Variants in ANXA3 observed in about 807,000 individuals in gnomAD.
ANXA3 encodes the protein annexin A3.
ANXA3 carries 46 observed loss-of-function variants against 48.8 expected under a neutral mutation model. The observed-to-expected ratio is 0.94, with a 90% CI of 0.74 to 1.21. The LOEUF is 1.21. Ranked by LOEUF, ANXA3 falls within the 50% of genes most tolerant of loss-of-function variation. The pLI is 0.00. For missense variants in ANXA3, 383 were observed against 378.6 expected, an observed-to-expected ratio of 1.01 and a Z score of -0.10; for synonymous variants, 128 against 134.7, an observed-to-expected ratio of 0.95 and a Z score of 0.35.
chr4:78,604,098 C>T, intron 11 of ANXA3, 179 bp from the exon 12 acceptor site: 1 of 529,024 alleles, frequency 1.9e-6, no homozygotes, highest in Non-Finnish European at 3.1e-6. Flanking sequence ...GATGCTGTCA[C>T]AGAGTAGGTG....
At chr4:78,573,047 C>T in intron 2 of ANXA3, 133 bp from the exon 3 acceptor site, 1 of 778,762 alleles carries the variant, frequency 1.3e-6, no homozygotes, top group Non-Finnish European at 2.3e-6. Flanking sequence ...TTCAGAGCCA[C>T]TCCTGAAGTG....
intron 4 of ANXA3, among the ~76,000 whole-genome samples, chr4:78,580,996 A>C (rs539374256): frequency 6.6e-6 from 1 of 152,304 alleles, no homozygotes; most frequent in African/African-American, 2.4e-5. Flanking sequence ...ACCATTTCTC[A>C]CAGTGGAATA....
chr4:78,610,363 T>G lies in ANXA3; in HGVS notation c.*248T>G. The G allele has an allele frequency of 3.3e-6, 1 of 299,786 alleles. No homozygotes were observed. The highest frequency in any genetic ancestry group is 6.1e-6 in the Non-Finnish European group (1 of 162,920). 18.6% of individuals were successfully genotyped at this position (299,786 alleles called of 1,614,324 possible). ...ATCTGCAACTACTATCCAACTTATA[T>G]TTCTGCTTTCAAAGTTAAGAATCTT... is the stretch of plus-strand genomic sequence containing the variant. On this transcript the variant is annotated 3_prime_UTR_variant, in exon 13 of 13. Coordinates refer to ENST00000264908, the MANE Select transcript of ANXA3 (RefSeq NM_005139.3).
chr4:78,579,611 A>T (rs759600617), intron 4 of ANXA3, among the ~76,000 whole-genome samples: 1 of 152,216 alleles, frequency 6.6e-6, no homozygotes, highest in Admixed American at 6.5e-5. Flanking sequence ...TAAAATATTT[A>T]TGTAGTTATA....
At position 78,552,724 on chromosome 4, in the gene ANXA3, T is replaced by A. The variant is rs536082418; in HGVS notation, c.-39+865T>A. On this transcript the variant is annotated intron_variant, in intron 1 of 12. Transcript: ENST00000264908. ...GCAAGACCCTGCCCTCCGGGAAAGA[T>A]ACATTTACTATGTTCACCAACATCA... Among the ~76,000 whole-genome samples, 3 of 152,352 alleles carry A rather than the reference T, an allele frequency of 2.0e-5. No homozygotes were observed. The South Asian group carries it at 6.2e-4, about 32-fold the overall frequency.
chr4:78,571,972 G>T (rs1475158665), intron 2 of ANXA3, among the ~76,000 whole-genome samples: 1 of 152,098 alleles, frequency 6.6e-6, no homozygotes, highest in African/African-American at 2.4e-5. Flanking sequence ...TCCTAAGGGG[G>T]TTTTCATTTA....
At chr4:78,573,941 G>A (rs1722894243) in intron 3 of ANXA3, among the ~76,000 whole-genome samples, 1 of 152,100 alleles carries the variant, frequency 6.6e-6, no homozygotes, top group African/African-American at 2.4e-5. Flanking sequence ...CCACACTATG[G>A]GTTTTCAGGG....
intron 10 of ANXA3, among the ~76,000 whole-genome samples, chr4:78,598,126 T>C (rs1001164349): frequency 2.0e-5 from 3 of 151,296 alleles, no homozygotes; most frequent in African/African-American, 7.3e-5. Flanking sequence ...AGCCAAGGAG[T>C]TCAAGGCCAG....
At chr4:78,554,603 T>C (rs919623624) in intron 2 of ANXA3, 115 bp downstream of exon 2, 37 of 861,944 alleles carry the variant, frequency 4.3e-5, no homozygotes, top group Admixed American at 1.1e-4. Context: ...TCTGGCAAAA[T>C]TAACATGCTA....
In ANXA3 at chr4:78,601,566, A is replaced by G; in HGVS notation, c.787A>G (p.Lys263Glu). Reference sequence around the variant, plus strand: ...AGCCGAAAGACTGCATCGAGCCTTGAAGGTTGGTCTGGAAAGTTCATGTGC... The same window carrying G: ...AGCCGAAAGACTGCATCGAGCCTTGGAGGTTGGTCTGGAAAGTTCATGTGC... ...FLAERLHRAL[K>E]GIGTDEFTLN... is the part of the protein sequence containing the mutation. Residue 263 changes from lysine (K) to glutamate (E), a missense_variant and splice_region_variant, in exon 11 of 13, where the codon AAG becomes GAG. Transcript: ENST00000264908. 1 of 1,613,836 alleles carries G rather than the reference A, an allele frequency of 6.2e-7. No individual in the cohort carries two copies. The highest frequency in any genetic ancestry group is 1.1e-5 in the South Asian group (1 of 91,050).
chr4:78,591,509 TG>T (rs756450581), intron 6 of ANXA3, 34 bp from the exon 7 acceptor site: 2 of 1,436,366 alleles, frequency 1.4e-6, no homozygotes, highest in African/African-American at 2.8e-5. Context: ...TTTTTCAGTT[TG>T]TCAAGGCTTA....
chr4:78,591,429 G>A (rs1723292974), intron 6 of ANXA3, 115 bp from the exon 7 acceptor site: 1 of 697,500 alleles, frequency 1.4e-6, no homozygotes, highest in African/African-American at 1.8e-5. Flanking sequence ...AAAAGGGCAA[G>A]ATTTATCTTA....
intron 1 of ANXA3, 22 bp downstream of exon 1, chr4:78,551,881 G>C (rs1177645679): frequency 6.6e-6 from 1 of 152,328 alleles, no homozygotes; most frequent in East Asian, 1.9e-4. Flanking sequence ...CTCCCGGCGC[G>C]TCCCCGCGAG....
At position 78,560,403 on chromosome 4, in the gene ANXA3, G is replaced by C. The variant is rs150292400; in HGVS notation, c.15+5915G>C. Among the ~76,000 whole-genome samples, 452 of 152,268 alleles carry C rather than the reference G, an allele frequency of 3.0e-3. 2 individuals are homozygous for C. The highest frequency in any genetic ancestry group is 0.017 in the Middle Eastern group (5 of 294). ...ATGATTCACAGAACTCACTGAAAGTGCTATCCTTATGAATGCAAGTTTATT... is the reference window on the plus strand; with the variant it reads ...ATGATTCACAGAACTCACTGAAAGTCCTATCCTTATGAATGCAAGTTTATT... On this transcript the variant is annotated intron_variant, in intron 2 of 12. Transcript: ENST00000264908.
At position 78,595,372 on chromosome 4, in the gene ANXA3, C is replaced by G; in HGVS notation, c.484-9C>G. ...AAAGGATGGCCCTTGTTTTCGTCCT[C>G]CTGTTTAGGGCAGAAGAGATGAAAG... is the stretch of plus-strand genomic sequence containing the variant. On this transcript the variant is annotated splice_polypyrimidine_tract_variant and intron_variant, in intron 7 of 12. Coordinates refer to ENST00000264908, the MANE Select transcript of ANXA3 (RefSeq NM_005139.3). 6.2e-7 allele frequency: 1 copy of G among 1,613,854 alleles called. No individual in the cohort carries two copies. The highest frequency in any genetic ancestry group is 1.1e-5 in the South Asian group (1 of 91,064).
In ANXA3 at chr4:78,571,018, C is replaced by CTTTCT. The variant is rs112621376; in HGVS notation, c.16-2159_16-2158insCTTTT. ...ATTTATTTTCTTTCTTTCTTTCTTT[C>CTTTCT]TTTTTTTTTGTGAGACACGGTCTCA... On this transcript the variant is annotated intron_variant, in intron 2 of 12. Transcript: ENST00000264908. The CTTTCT allele has an allele frequency of 6.6e-5, 10 of 151,072 alleles. 1 individual carries two copies. The highest frequency in any genetic ancestry group is 2.4e-4 in the African/African-American group (10 of 41,198). 9.4% of individuals were successfully genotyped at this position (151,072 alleles called of 1,614,324 possible).
chr4:78,595,343 C>G (rs1475786156), intron 7 of ANXA3, 38 bp from the exon 8 acceptor site: 2 of 1,609,438 alleles, frequency 1.2e-6, no homozygotes, highest in Non-Finnish European at 1.7e-6. Flanking sequence ...AATCTTCTAT[C>G]TTTAAAGGAT....
chr4:78,602,255 A>AG (rs1382479497), intron 11 of ANXA3: 1 of 151,922 alleles, frequency 6.6e-6, no homozygotes, highest in Non-Finnish European at 1.5e-5. Flanking sequence ...AAAAAAAAAA[A>AG]AAAGAAAATG....
At chr4:78,555,415 A>G (rs1722490244) in intron 2 of ANXA3, among the ~76,000 whole-genome samples, 1 of 152,254 alleles carries the variant, frequency 6.6e-6, no homozygotes, top group Admixed American at 6.5e-5. Flanking sequence ...GCAGCACATT[A>G]GACAAAAGAC....
Sources: gnomAD v4.1 joint callset for allele counts (sites outside exome capture counted in the v4.1 genomes callset) on GRCh38, gnomAD v4.1.1 for gene constraint, MANE v1.5 for transcripts, NCBI Gene and HGNC (gene_info 2026-07-23, HGNC 2026-07-21) for gene names.